Variants in CLEC12A observed in about 807,000 individuals in gnomAD.
CLEC12A encodes the protein C-type lectin protein CLL-1.
Under a neutral mutation model 26.5 loss-of-function variants are expected in CLEC12A, and 22 were observed. The observed-to-expected ratio is 0.83, with a 90% CI of 0.59 to 1.19. The LOEUF (loss-of-function observed/expected upper bound fraction) is 1.19, where lower values mean the gene tolerates loss of function less well. CLEC12A is among the 50% of genes most tolerant of loss of function. The pLI, the probability that CLEC12A is intolerant of heterozygous loss-of-function variation, is 0.00. For synonymous variants in CLEC12A, 119 were observed against 101.9 expected, an observed-to-expected ratio of 1.17 and a Z score of -1.01; for missense variants, 353 against 315.6, an observed-to-expected ratio of 1.12 and a Z score of -0.90.
At chr12:9,978,035 C>G (rs1864405061) in intron 1 of CLEC12A, among the ~76,000 whole-genome samples, 1 of 152,024 alleles carries the variant, frequency 6.6e-6, no homozygotes, top group African/African-American at 2.4e-5. Context: ...TTTCTAAAGT[C>G]TATATAAGTT....
chr12:9,962,791 A>G (rs779352119), intron 1 of CLEC12A, among the ~76,000 whole-genome samples: 55 of 152,166 alleles, frequency 3.6e-4, no homozygotes, highest in Non-Finnish European at 6.3e-4. Context: ...CTGGATGTGT[A>G]TGTGCAGGTC....
chr12:9,965,410 C>T (rs113177067), intron 1 of CLEC12A, among the ~76,000 whole-genome samples: 1 of 151,354 alleles, frequency 6.6e-6, no homozygotes, highest in South Asian at 2.1e-4. Context: ...TTGGGCTTGA[C>T]TGAAGTAATG....
intron 5 of CLEC12A, among the ~76,000 whole-genome samples, chr12:9,982,729 A>G (rs1864610831): frequency 6.6e-6 from 1 of 152,112 alleles, no homozygotes; most frequent in African/African-American, 2.4e-5. Flanking sequence ...TTTCAGTGTA[A>G]CCATAACCTG....
At chr12:9,994,266 G>C (rs570007103) in intron 4 of CLEC12A, among the ~76,000 whole-genome samples, 13 of 152,184 alleles carry the variant, frequency 8.5e-5, no homozygotes, top group Middle Eastern at 6.8e-3. Context: ...AGAATGTAAA[G>C]AACACTAAGT....
chr12:9,988,084 T>C (rs959699294), downstream of CLEC12A, among the ~76,000 whole-genome samples: 1 of 152,082 alleles, frequency 6.6e-6, no homozygotes, highest in African/African-American at 2.4e-5. Context: ...GGACATGAGA[T>C]TTGGGAGGTC....
chr12:10,004,226 A>T, the CLEC12A span, among the ~76,000 whole-genome samples: 68,959 of 152,112 alleles, frequency 0.45, 16,075 homozygotes, highest in Middle Eastern at 0.51. Flanking sequence ...TGCAGACAAC[A>T]TAAGTGTTAA....
intron 1 of CLEC12A, among the ~76,000 whole-genome samples, chr12:9,964,527 T>C (rs1374855840): frequency 1.3e-5 from 2 of 152,052 alleles, no homozygotes; most frequent in African/African-American, 2.4e-5. Flanking sequence ...AGGGTGAAAG[T>C]ATTGGAGGGT....
intron 1 of CLEC12A, among the ~76,000 whole-genome samples, chr12:9,977,831 A>T (rs892001131): frequency 1.3e-5 from 2 of 152,186 alleles, no homozygotes; most frequent in Admixed American, 1.3e-4. Context: ...ATGTCTAATA[A>T]ATACAAGGCA....
rs116664705 is a variant in CLEC12A at position 9,975,156 on chromosome 12, G to A, written c.91+3469G>A. Among the ~76,000 whole-genome samples, 71 of 152,166 alleles carry A rather than the reference G, an allele frequency of 4.7e-4. 1 individual carries two copies. The highest frequency in any genetic ancestry group is 1.4e-3 in the African/African-American group (57 of 41,504). ...AGTTGTGGGTATGTCTTTATCAGTC[G>A]TGTGAAAATGAACTAATGCAGTAAA... On this transcript the variant is annotated intron_variant, in intron 1 of 5. Transcript: ENST00000304361.
At chr12:9,955,430 T>A (rs530299073) in intron 1 of CLEC12A, among the ~76,000 whole-genome samples, 2 of 152,274 alleles carry the variant, frequency 1.3e-5, no homozygotes, top group African/African-American at 4.8e-5. Flanking sequence ...TATATACAAG[T>A]TATAAAAATG....
chr12:9,986,188 C>A, downstream of CLEC12A: 1 of 451,882 alleles, frequency 2.2e-6, no homozygotes, highest in Non-Finnish European at 4.5e-6. Flanking sequence ...AGATAAATAA[C>A]ATTTACAGTT....
At chr12:9,962,722 C>G (rs1863856720) in intron 1 of CLEC12A, among the ~76,000 whole-genome samples, 2 of 152,132 alleles carry the variant, frequency 1.3e-5, no homozygotes, top group Admixed American at 1.3e-4. Context: ...AAGGCAGGAA[C>G]AGACCATTTT....
At chr12:9,986,113 G>A (rs893504487), downstream of CLEC12A, 23 of 454,938 alleles carry the variant, frequency 5.1e-5, no homozygotes, top group East Asian at 2.1e-4. Flanking sequence ...CCAAAATGAC[G>A]GAGAGCCACA....
intron 1 of CLEC12A, chr12:9,952,153 CTCTCCCTCTCCCTCTCCG>C (rs1863624561): frequency 8.8e-6 from 1 of 114,178 alleles, no homozygotes; most frequent in South Asian, 3.7e-4. Context: ...CTCCGTCTCC[CTCTCCCTCTCCCTCTCCG>C]TCTCCCTCTC....
At chr12:9,975,155 C>T (rs1438381898) in intron 1 of CLEC12A, among the ~76,000 whole-genome samples, 1 of 152,032 alleles carries the variant, frequency 6.6e-6, no homozygotes, top group South Asian at 2.1e-4. Context: ...CTTTATCAGT[C>T]GTGTGAAAAT....
At chr12:9,997,731 G>A (rs1245218602), downstream of CLEC12A, among the ~76,000 whole-genome samples, 1 of 152,116 alleles carries the variant, frequency 6.6e-6, no homozygotes, top group African/African-American at 2.4e-5. Context: ...GAGGATAAAT[G>A]TTAGATTCTA....
At chr12:9,998,408 G>A (rs1180856969), downstream of CLEC12A, 1 of 1,564,344 alleles carries the variant, frequency 6.4e-7, no homozygotes, top group Admixed American at 1.7e-5. Context: ...AGACATCAAG[G>A]AGCAGGCAGT....
intron 4 of CLEC12A, chr12:9,992,018 G>T (rs1263581268): frequency 1.3e-5 from 2 of 152,044 alleles, no homozygotes; most frequent in Non-Finnish European, 2.9e-5. Flanking sequence ...GTTTCTCTAT[G>T]TTTTAACCAA....
At chr12:9,991,842 CT>C (rs1486904026) in intron 4 of CLEC12A, 1 of 152,006 alleles carries the variant, frequency 6.6e-6, no homozygotes, top group African/African-American at 2.4e-5. Context: ...GAGAACATTA[CT>C]TATCCAAAGC....
Sources: allele counts gnomAD v4.1 joint callset (sites outside exome capture counted in the v4.1 genomes callset), GRCh38; gene constraint gnomAD v4.1.1; transcripts MANE v1.5; gene names NCBI Gene and HGNC (gene_info 2026-07-23, HGNC 2026-07-21).